TNPO1: variants seen among roughly 807,000 people sequenced by gnomAD.
The protein encoded by TNPO1 is transportin-1.
In TNPO1, 8 loss-of-function variants were observed where a neutral mutation model predicts 119.5. The observed-to-expected ratio is 0.07, with a 90% CI of 0.04 to 0.12. The LOEUF (loss-of-function observed/expected upper bound fraction) is 0.12, where lower values mean the gene tolerates loss of function less well. Among genes scored for constraint, TNPO1 ranks in the 10% least tolerant of loss-of-function variants. The pLI, the probability that TNPO1 is intolerant of heterozygous loss-of-function variation, is 1.00. For synonymous variants in TNPO1, 362 were observed against 363.0 expected (o/e 1.00, Z 0.03); for missense variants, 576 against 1,089.8 (o/e 0.53, Z 6.64).
At chr5:72,888,421 A>G in intron 13 of TNPO1, 118 bp downstream of exon 13, 1 of 875,294 alleles carries the variant, frequency 1.1e-6, no homozygotes, top group South Asian at 1.8e-5. Context: ...AAAATTTTCC[A>G]GTTATATCAG....
rs1750394119 is a variant in TNPO1, at chr5:72,909,279, T to G, written c.*606T>G. The G allele has an allele frequency of 6.6e-6, 1 of 151,684 alleles. No homozygotes were observed. Among genetic ancestry groups the G allele is most frequent in the African/African-American group, 2.4e-5 (1 of 41,160 alleles). The allele number at this position is 151,684 out of a possible 1,614,324, so 9.4% of individuals were successfully genotyped here. A position where few individuals can be genotyped will look rare whatever the true frequency, so the allele number is the denominator to read the frequency against. ...AAGCAGGTTCTTGGAAGTTACAATT[T>G]AAGGTACCCCAAAAAAGTTGGAAAT... On this transcript the variant is annotated 3_prime_UTR_variant, in exon 25 of 25. Transcript: ENST00000337273.
chr5:72,891,320 C>T (rs1395508011), intron 14 of TNPO1, among the ~76,000 whole-genome samples: 1 of 151,944 alleles, frequency 6.6e-6, no homozygotes, highest in South Asian at 2.1e-4. Flanking sequence ...AAAAAATTAG[C>T]CGGGTGTGGT....
chr5:72,898,471 A>T (rs532844599), intron 20 of TNPO1, among the ~76,000 whole-genome samples: 2 of 152,240 alleles, frequency 1.3e-5, no homozygotes, highest in South Asian at 4.1e-4. Flanking sequence ...CACACTTGGG[A>T]TTCATTAGAT....
rs568265744 is a variant in TNPO1 at position 72,856,312 on chromosome 5, A to G, written c.355+389A>G. ...AGTGGCACAATCTTGACTCACTGCAACCTCTGCCTCCTGGATTCAAGCGAT... is the reference window on the plus strand; with the variant it reads ...AGTGGCACAATCTTGACTCACTGCAGCCTCTGCCTCCTGGATTCAAGCGAT... On this transcript the variant is annotated intron_variant, in intron 4 of 24. Coordinates refer to ENST00000337273, the MANE Select transcript of TNPO1 (RefSeq NM_002270.4). Among the ~76,000 whole-genome samples the G allele has an allele frequency of 1.4e-3, 219 of 152,090 alleles. 8 individuals carry two copies. The South Asian group carries it at 0.042, about 29-fold the overall frequency.
intron 1 of TNPO1, among the ~76,000 whole-genome samples, chr5:72,840,496 T>C (rs191720839): frequency 2.1e-4 from 32 of 152,312 alleles, no homozygotes; most frequent in African/African-American, 7.5e-4. Context: ...TGGTTTTGAA[T>C]GCCTAATCTG....
chr5:72,889,212 C>T (rs1440746970), intron 13 of TNPO1, among the ~76,000 whole-genome samples: 3 of 152,118 alleles, frequency 2.0e-5, no homozygotes, highest in Admixed American at 2.0e-4. Context: ...TGTGCGACAC[C>T]ATGCCCAGCT....
chr5:72,892,009 G>T (rs1749093933), intron 15 of TNPO1, 113 bp downstream of exon 15: 4 of 725,536 alleles, frequency 5.5e-6, no homozygotes, highest in Non-Finnish European at 9.0e-6. Flanking sequence ...GTAGACGGAG[G>T]AAATTATATG....
intron 1 of TNPO1, chr5:72,817,057 G>T (rs1362399800): frequency 4.8e-6 from 2 of 417,178 alleles, no homozygotes; most frequent in South Asian, 1.1e-4. Context: ...TACATTCAGG[G>T]GAGCGTTTGC....
Position 72,910,038 on chromosome 5 carries a change from T to A in TNPO1, c.*1365T>A, listed in dbSNP as rs1251822615. The A allele has an allele frequency of 2.0e-5, 3 of 152,608 alleles. No individual in the cohort carries two copies. The East Asian group carries it at 5.8e-4, about 29-fold the overall frequency. 9.5% of individuals were successfully genotyped at this position (152,608 alleles called of 1,614,324 possible). A position where few individuals can be genotyped will look rare whatever the true frequency, so the allele number is the denominator to read the frequency against. On this transcript the variant is annotated 3_prime_UTR_variant, in exon 25 of 25. Transcript: ENST00000337273. ...AGAAGTTGAAAAATGATTGCTATATTTCAATGTTTATTCCCACTCAACATA... is the reference window on the plus strand; with the variant it reads ...AGAAGTTGAAAAATGATTGCTATATATCAATGTTTATTCCCACTCAACATA...
intron 1 of TNPO1, among the ~76,000 whole-genome samples, chr5:72,836,375 A>G (rs1385275170): frequency 6.6e-6 from 1 of 152,132 alleles, no homozygotes; most frequent in East Asian, 1.9e-4. Context: ...CACCATGTAG[A>G]CACCACCAAG....
chr5:72,852,895 GCTT>G (rs1745688782), intron 3 of TNPO1, among the ~76,000 whole-genome samples: 1 of 152,040 alleles, frequency 6.6e-6, no homozygotes, highest in South Asian at 2.1e-4. Flanking sequence ...GCGATACATT[GCTT>G]CTTAATATAG....
chr5:72,904,991 G>C (rs1011045890), intron 23 of TNPO1, among the ~76,000 whole-genome samples: 1 of 152,140 alleles, frequency 6.6e-6, no homozygotes, highest in Admixed American at 6.5e-5. Context: ...CAAACCGTCA[G>C]ATCTCATGAG....
rs576656339 is a variant in TNPO1 at position 72,856,941 on chromosome 5, C to G, written c.355+1018C>G. Among the ~76,000 whole-genome samples, 7 of 152,288 alleles carry G rather than the reference C, an allele frequency of 4.6e-5. No homozygotes were observed. The South Asian group carries it at 1.4e-3, about 32-fold the overall frequency. The stretch of plus-strand genomic sequence containing the variant: ...TTTAGTATACCATGGGCTTAAGCAG[C>G]TAACTTCTACAAGGACCTGGAAAGC... On this transcript the variant is annotated intron_variant, in intron 4 of 24. Transcript: ENST00000337273.
chr5:72,852,965 A>G (rs1439640136), intron 3 of TNPO1, among the ~76,000 whole-genome samples: 1 of 152,244 alleles, frequency 6.6e-6, no homozygotes, highest in Non-Finnish European at 1.5e-5. Context: ...AGATATTTAT[A>G]AATGGATTTT....
At chr5:72,853,924 A>C (rs1446511470) in intron 3 of TNPO1, among the ~76,000 whole-genome samples, 1 of 152,230 alleles carries the variant, frequency 6.6e-6, no homozygotes, top group Non-Finnish European at 1.5e-5. Flanking sequence ...TTTTTGTAAA[A>C]CAAAGGAAAT....
At position 72,908,771 on chromosome 5, in the gene TNPO1, G is replaced by C. The variant is rs1191583787; in HGVS notation, c.*98G>C. 3.9e-6 allele frequency: 1 copy of C among 254,384 alleles called. No individual in the cohort carries two copies. Among genetic ancestry groups the C allele is most frequent in the South Asian group, 3.5e-5 (1 of 28,490 alleles). 15.8% of individuals were successfully genotyped at this position (254,384 alleles called of 1,614,324 possible). A position where few individuals can be genotyped will look rare whatever the true frequency, so the allele number is the denominator to read the frequency against. ...CCCAGGGAAAATGTTACCCTTTACA[G>C]GGGGGAAGGGTAAACCAGTAGGGAA... On this transcript the variant is annotated 3_prime_UTR_variant, in exon 25 of 25. Coordinates refer to ENST00000337273, the MANE Select transcript of TNPO1 (RefSeq NM_002270.4).
At chr5:72,868,337 C>A (rs2112346705) in intron 6 of TNPO1, among the ~76,000 whole-genome samples, 1 of 136,202 alleles carries the variant, frequency 7.3e-6, no homozygotes, top group East Asian at 2.4e-4. Context: ...GAGGCTGAGG[C>A]AGGAGAATGG....
At chr5:72,907,227 A>G (rs2112513750) in intron 24 of TNPO1, among the ~76,000 whole-genome samples, 1 of 152,330 alleles carries the variant, frequency 6.6e-6, no homozygotes, top group East Asian at 1.9e-4. Flanking sequence ...ATGAGAATGC[A>G]AAAGATGAGA....
At chr5:72,862,618 C>T (rs980673509) in intron 5 of TNPO1, among the ~76,000 whole-genome samples, 1 of 151,906 alleles carries the variant, frequency 6.6e-6, no homozygotes, top group Non-Finnish European at 1.5e-5. Flanking sequence ...TGAGCCACTG[C>T]ACTTCACTAA....
Sources: gnomAD v4.1 joint callset for allele counts (sites outside exome capture counted in the v4.1 genomes callset) on GRCh38, gnomAD v4.1.1 for gene constraint, MANE v1.5 for transcripts, NCBI Gene and HGNC (gene_info 2026-07-23, HGNC 2026-07-21) for gene names.